The following DDX43 variants were observed in gnomAD, a reference collection of about 807,000 sequenced individuals.
DDX43 encodes the protein DEAD-box helicase 43.
DDX43 carries 50 observed loss-of-function variants against 84.9 expected under a neutral mutation model. That is an observed-to-expected ratio of 0.59 (90% confidence interval 0.47 to 0.75). DDX43 has a LOEUF of 0.75. Ranked by LOEUF, DDX43 falls within the 30% of genes least tolerant of loss-of-function variation. The pLI is 0.00. For synonymous variants in DDX43, 291 were observed against 266.3 expected, an observed-to-expected ratio of 1.09 and a Z score of -0.90; for missense variants, 689 against 798.6, an observed-to-expected ratio of 0.86 and a Z score of 1.65.
At chr6:73,395,728 G>C (rs1285282032) in intron 1 of DDX43, among the ~76,000 whole-genome samples, 1 of 151,960 alleles carries the variant, frequency 6.6e-6, no homozygotes, top group African/African-American at 2.4e-5. Context: ...GAAGAGGGAT[G>C]CTTAGAACAG....
Position 73,400,355 on chromosome 6 carries a change from G to A in DDX43, c.428G>A (p.Cys143Tyr). Residue 143 changes from cysteine (C) to tyrosine (Y), a missense_variant, in exon 3 of 17, where the codon TGC becomes TAC. Cys to Tyr is a radical substitution (Grantham distance 194). Around this residue, in one of 2 missense-constraint regions of DDX43, gnomAD observed 552 missense variants for 692.7 expected, o/e 0.80. Coordinates refer to ENST00000370336, the MANE Select transcript of DDX43 (RefSeq NM_018665.3). ...CTAGAAGAAAATTACAATTCAGAAT[G>A]CGGAATTGGTAAGTAATTTTCTCCC... The part of the protein sequence containing the change: ...KKLEENYNSE[C>Y]GIDTAFQPSV... 1 of 1,604,340 alleles carries A rather than the reference G, an allele frequency of 6.2e-7. No homozygotes were observed.
chr6:73,395,057 G>A lies in DDX43; in HGVS notation c.152G>A (p.Trp51Ter). The change falls in exon 1 of 17, where the codon TGG becomes TAG. Residue 51 changes from tryptophan to a stop codon, truncating the protein, a stop_gained. Transcript: ENST00000370336. LOFTEE classifies it high-confidence loss of function. ...TATAGTGTCGGCAGAGGTGGTCGCT[G>A]GAGAGGCACCTCTAGGCCCCCGGAG... Reference protein sequence around the residue: ...EGYSVGRGGRWRGTSRPPEAV... With the variant: ...EGYSVGRGGR 6.2e-7 allele frequency: 1 copy of A among 1,614,228 alleles called. No individual in the cohort carries two copies. The highest frequency in any genetic ancestry group is 1.3e-5 in the African/African-American group (1 of 75,072).
chr6:73,404,107 G>A (rs907263928), intron 4 of DDX43, among the ~76,000 whole-genome samples: 8 of 148,600 alleles, frequency 5.4e-5, no homozygotes, highest in East Asian at 2.0e-4. Flanking sequence ...GGCGTGAGCC[G>A]CCGCCGCCGG....
Position 73,405,777 on chromosome 6 carries a change from A to C in DDX43, c.749A>C (p.Tyr250Ser). Residue 250 changes from tyrosine (Y) to serine (S), a missense_variant, in exon 6 of 17, where the codon TAT becomes TCT. Transcript: ENST00000370336. ...ACATTTGATGACGCCTTTCAATGTTATCCTGAGGTTATGGAAAACATTAAA... is the reference window on the plus strand; with the variant it reads ...ACATTTGATGACGCCTTTCAATGTTCTCCTGAGGTTATGGAAAACATTAAA... Reference protein sequence around the residue: ...TCTFDDAFQCYPEVMENIKKA... With the variant: ...TCTFDDAFQCSPEVMENIKKA... The C allele has an allele frequency of 1.9e-6, 3 of 1,614,132 alleles. No homozygotes were observed. The highest frequency in any genetic ancestry group is 2.5e-6 in the Non-Finnish European group (3 of 1,180,008).
chr6:73,399,961 A>G (rs561685889), intron 2 of DDX43, among the ~76,000 whole-genome samples: 1 of 152,148 alleles, frequency 6.6e-6, no homozygotes, highest in Non-Finnish European at 1.5e-5. Context: ...TCTCTACACT[A>G]TTTGCTGAGT....
intron 6 of DDX43, 109 bp from the exon 7 acceptor site, chr6:73,406,255 C>T (rs1455244008): frequency 1.5e-6 from 1 of 681,660 alleles, no homozygotes; most frequent in Non-Finnish European, 2.5e-6. Context: ...CTCCCGACCT[C>T]AGGAGATCTG....
chr6:73,408,454 CTAT>C (rs993058840), intron 9 of DDX43, among the ~76,000 whole-genome samples: 2 of 151,962 alleles, frequency 1.3e-5, no homozygotes, highest in African/African-American at 4.8e-5. Context: ...AATGACTGAA[CTAT>C]TATTTTATTT....
intron 15 of DDX43, 92 bp from the exon 16 acceptor site, chr6:73,416,021 C>T (rs1769891658): frequency 9.7e-6 from 7 of 721,854 alleles, no homozygotes; most frequent in South Asian, 3.4e-5. Flanking sequence ...GTCATGTAAC[C>T]AGCTGTGCGA....
chr6:73,400,833 A>G (rs1371430796), intron 3 of DDX43, among the ~76,000 whole-genome samples: 1 of 152,200 alleles, frequency 6.6e-6, no homozygotes, highest in Non-Finnish European at 1.5e-5. Flanking sequence ...CAATTACTGA[A>G]TCATATCTAG....
chr6:73,403,410 C>T (rs1050438149), intron 4 of DDX43, among the ~76,000 whole-genome samples: 6 of 152,064 alleles, frequency 3.9e-5, no homozygotes, highest in Admixed American at 6.5e-5. Context: ...GTGGAGGTTG[C>T]AGTGAGCCGA....
In DDX43 at chr6:73,394,881, G is replaced by A. The variant is rs751400041; in HGVS notation, c.-25G>A. On this transcript the variant is annotated 5_prime_UTR_variant, in exon 1 of 17. Coordinates refer to ENST00000370336, the MANE Select transcript of DDX43 (RefSeq NM_018665.3). ...TGGTGCAGAGCTGGACGGCAACGAC[G>A]TCGGACGCGCCCCTTCTTGGAACAA... 1.9e-6 allele frequency: 3 copies of A among 1,611,662 alleles called. No homozygotes were observed. Among genetic ancestry groups the A allele is most frequent in the Non-Finnish European group, 2.5e-6 (3 of 1,178,598 alleles).
intron 5 of DDX43, among the ~76,000 whole-genome samples, chr6:73,405,416 C>T (rs1042797104): frequency 6.6e-6 from 1 of 152,194 alleles, no homozygotes; most frequent in East Asian, 1.9e-4. Flanking sequence ...GCATGATTTT[C>T]AGGCTCCTCA....
chr6:73,416,167 A>G lies in DDX43; in HGVS notation c.1888A>G (p.Lys630Glu). Residue 630 changes from lysine (K) to glutamate (E), a missense_variant, in exon 16 of 17, where the codon AAA becomes GAA. This residue lies in a region of DDX43 where 552 missense variants were observed against 692.7 expected (regional missense o/e 0.80). Coordinates refer to ENST00000370336, the MANE Select transcript of DDX43 (RefSeq NM_018665.3). ...TGAGAGGTTTAAGGCACATCAACAG[A>G]AAAGGGAAATGGAAAGAAAAATGGA... is the stretch of plus-strand genomic sequence containing the variant. The part of the protein sequence containing the change: ...MAERFKAHQQ[K>E]REMERKMERP... The G allele has an allele frequency of 2.5e-6, 4 of 1,597,740 alleles. No individual in the cohort carries two copies. The highest frequency in any genetic ancestry group is 3.4e-6 in the Non-Finnish European group (4 of 1,165,010).
At chr6:73,412,441 AT>A in intron 11 of DDX43, 149 bp downstream of exon 11, 1 of 620,164 alleles carries the variant, frequency 1.6e-6, no homozygotes, top group South Asian at 2.0e-5. Context: ...CGATTATCTC[AT>A]TTGAAATTTC....
chr6:73,397,598 G>C, intron 1 of DDX43, 91 bp from the exon 2 acceptor site: 1 of 1,002,134 alleles, frequency 1.0e-6, no homozygotes. Context: ...TTGGGGGGAA[G>C]AACTAGAGAA....
At chr6:73,402,952 C>T (rs1248814456) in intron 4 of DDX43, among the ~76,000 whole-genome samples, 1 of 152,184 alleles carries the variant, frequency 6.6e-6, no homozygotes, top group Non-Finnish European at 1.5e-5. Context: ...ATTATTCAAG[C>T]ACTAGCCTTG....
At chr6:73,407,909 G>C (rs771242181) in intron 8 of DDX43, 51 bp from the exon 9 acceptor site, 1 of 1,542,502 alleles carries the variant, frequency 6.5e-7, no homozygotes, top group Non-Finnish European at 8.8e-7. Flanking sequence ...TTTAAGTTGT[G>C]ATGAGATATT....
At chr6:73,413,514 A>AT (rs1219457911) in intron 11 of DDX43, 144 bp from the exon 12 acceptor site, 2 of 704,372 alleles carry the variant, frequency 2.8e-6, no homozygotes, top group Non-Finnish European at 2.2e-6. Context: ...GAAACAGGTA[A>AT]TTTTTTTAGG....
chr6:73,395,617 T>TAA (rs760280152), intron 1 of DDX43, among the ~76,000 whole-genome samples: 1,378 of 133,604 alleles, frequency 0.01, 21 homozygotes, highest in African/African-American at 0.036. Context: ...CCGTCTCAAT[T>TAA]AAAAAAAAAA....
Sources: gnomAD v4.1 joint callset for allele counts (sites outside exome capture counted in the v4.1 genomes callset) on GRCh38, gnomAD v4.1.1 for gene constraint, gnomAD v4.1.1 regional missense constraint, MANE v1.5 for transcripts, NCBI Gene and HGNC (gene_info 2026-07-23, HGNC 2026-07-21) for gene names.